TBC1D5: variants seen among roughly 807,000 people sequenced by gnomAD.
TBC1D5 encodes TBC1 domain family, member 5.
In TBC1D5, 75 loss-of-function variants were observed where a neutral mutation model predicts 100.3. The observed-to-expected ratio is 0.75, with a 90% CI of 0.62 to 0.91. The LOEUF (loss-of-function observed/expected upper bound fraction) is 0.91. TBC1D5 is among the 40% of genes least tolerant of loss of function. The pLI is 0.00. For synonymous variants in TBC1D5, 323 were observed against 325.6 expected, an observed-to-expected ratio of 0.99 and a Z score of 0.09; for missense variants, 910 against 942.4, an observed-to-expected ratio of 0.97 and a Z score of 0.45.
chr3:17,584,726 G>A (rs779853109), intron 2 of TBC1D5, among the ~76,000 whole-genome samples: 4 of 152,040 alleles, frequency 2.6e-5, no homozygotes, highest in Non-Finnish European at 5.9e-5. Flanking sequence ...GCACGATCTC[G>A]GCTCACTGCA....
At chr3:17,560,619 TA>T (rs58882081) in intron 2 of TBC1D5, among the ~76,000 whole-genome samples, 57,525 of 109,670 alleles carry the variant, frequency 0.52, 12,695 homozygotes, top group African/African-American at 0.66. Context: ...ACCTTGTCTT[TA>T]AAAAAAAAAG....
chr3:17,569,055 T>C (rs2096610460), intron 2 of TBC1D5, among the ~76,000 whole-genome samples: 1 of 151,844 alleles, frequency 6.6e-6, no homozygotes, highest in Non-Finnish European at 1.5e-5. Context: ...TTTGTAGCCA[T>C]ACACTGGCAA....
At position 17,720,546 on chromosome 3, in the gene TBC1D5, C is replaced by T. The variant is rs546837263; in HGVS notation, c.-101+18797G>A. On this transcript the variant is annotated intron_variant, in intron 1 of 21. Transcript: ENST00000253692. ...TGTAGGTTGGGCATGGTGGCTCACA[C>T]CTATAATCCCAGTACTTTGGGAAGG... Among the ~76,000 whole-genome samples the T allele has an allele frequency of 3.3e-5, 5 of 152,262 alleles. No individual in the cohort carries two copies. The South Asian group carries it at 8.3e-4, about 25-fold the overall frequency.
At chr3:17,519,149 T>G (rs1013746635) in intron 2 of TBC1D5, among the ~76,000 whole-genome samples, 1 of 152,208 alleles carries the variant, frequency 6.6e-6, no homozygotes, top group African/African-American at 2.4e-5. Flanking sequence ...TGCATGCACA[T>G]TTCATGTAAA....
chr3:17,614,671 T>C (rs1291110322), intron 2 of TBC1D5, among the ~76,000 whole-genome samples: 1 of 152,216 alleles, frequency 6.6e-6, no homozygotes, highest in Non-Finnish European at 1.5e-5. Flanking sequence ...AGTTCACTCA[T>C]GATTTGGCTG....
intron 1 of TBC1D5, among the ~76,000 whole-genome samples, chr3:17,631,513 T>C (rs1486494826): frequency 1.3e-5 from 2 of 152,254 alleles, no homozygotes; most frequent in Non-Finnish European, 2.9e-5. Flanking sequence ...CAATATACAG[T>C]ATCTTCTTTC....
chr3:17,724,575 G>A (rs2075972017), intron 1 of TBC1D5, among the ~76,000 whole-genome samples: 1 of 152,100 alleles, frequency 6.6e-6, no homozygotes. Flanking sequence ...ATTTTACTAT[G>A]ATGTCTCTAG....
chr3:17,371,929 T>G (rs2092478506), intron 13 of TBC1D5, 146 bp downstream of exon 13: 3 of 647,294 alleles, frequency 4.6e-6, no homozygotes, highest in African/African-American at 3.7e-5. Context: ...ACCAGCTACT[T>G]GGGAAGCTGA....
chr3:17,288,703 C>T (rs1002997542), intron 15 of TBC1D5, among the ~76,000 whole-genome samples: 2 of 152,184 alleles, frequency 1.3e-5, no homozygotes, highest in African/African-American at 4.8e-5. Context: ...CATCCCCTCT[C>T]CAGTGAGAGC....
intron 4 of TBC1D5, among the ~76,000 whole-genome samples, chr3:17,411,559 A>C (rs1297163037): frequency 6.6e-6 from 1 of 152,170 alleles, no homozygotes; most frequent in East Asian, 1.9e-4. Context: ...AACACAAAGT[A>C]TTCCAGATAA....
chr3:17,631,155 T>C (rs1375396469), intron 1 of TBC1D5, among the ~76,000 whole-genome samples: 1 of 151,986 alleles, frequency 6.6e-6, no homozygotes, highest in Admixed American at 6.6e-5. Context: ...CACATGAATG[T>C]TAAGAAAGTA....
At chr3:17,611,105 G>A (rs186111137) in intron 2 of TBC1D5, among the ~76,000 whole-genome samples, 104 of 152,120 alleles carry the variant, frequency 6.8e-4, no homozygotes, top group African/African-American at 2.4e-3. Flanking sequence ...TAATGATGAT[G>A]AATGAAAAAA....
chr3:17,380,861 A>G (rs1029675454), intron 9 of TBC1D5, among the ~76,000 whole-genome samples: 1 of 152,108 alleles, frequency 6.6e-6, no homozygotes, highest in Non-Finnish European at 1.5e-5. Flanking sequence ...CTACTACATG[A>G]TAACAGTCTC....
intron 3 of TBC1D5, among the ~76,000 whole-genome samples, chr3:17,484,039 G>T (rs1476731676): frequency 6.6e-6 from 1 of 151,968 alleles, no homozygotes; most frequent in Non-Finnish European, 1.5e-5. Context: ...GGCCTCATTA[G>T]GTAAAGATAC....
intron 1 of TBC1D5, among the ~76,000 whole-genome samples, chr3:17,674,132 T>C (rs1288907483): frequency 6.6e-6 from 1 of 152,206 alleles, no homozygotes; most frequent in African/African-American, 2.4e-5. Context: ...AGTAAGACTT[T>C]GGACATATCA....
At chr3:17,525,287 A>G (rs1024840099) in intron 2 of TBC1D5, among the ~76,000 whole-genome samples, 1 of 151,796 alleles carries the variant, frequency 6.6e-6, no homozygotes, top group Admixed American at 6.6e-5. Flanking sequence ...CCGCCACCAT[A>G]CCCAGCTAAT....
intron 1 of TBC1D5, among the ~76,000 whole-genome samples, chr3:17,704,347 C>T (rs1276505736): frequency 6.6e-6 from 1 of 151,910 alleles, no homozygotes; most frequent in Non-Finnish European, 1.5e-5. Flanking sequence ...GGCAACCATC[C>T]GATTTCTCAA....
At chr3:17,379,956 C>T (rs2092868464) in intron 9 of TBC1D5, among the ~76,000 whole-genome samples, 1 of 151,162 alleles carries the variant, frequency 6.6e-6, no homozygotes. Context: ...GTAACTGAAA[C>T]CACAGAAAGT....
intron 18 of TBC1D5, 73 bp downstream of exon 19, chr3:17,214,134 C>T: frequency 6.8e-7 from 1 of 1,478,960 alleles, no homozygotes; most frequent in East Asian, 2.4e-5. Context: ...TGGGCACTAA[C>T]AGAGCTTTCA....
Sources: allele counts gnomAD v4.1 joint callset (sites outside exome capture counted in the v4.1 genomes callset), GRCh38; gene constraint gnomAD v4.1.1; transcripts MANE v1.5; gene names NCBI Gene and HGNC (gene_info 2026-07-23, HGNC 2026-07-21).